Variants in LDLRAD4 observed in about 807,000 individuals in gnomAD.
LDLRAD4 encodes low-density lipoprotein receptor class A domain-containing protein 4.
Under a neutral mutation model 17.0 loss-of-function variants are expected in LDLRAD4, and 5 were observed. That is an observed-to-expected ratio of 0.29 (90% confidence interval 0.15 to 0.62). LDLRAD4 has a LOEUF of 0.62. Among genes scored for constraint, LDLRAD4 ranks in the 20% least tolerant of loss-of-function variants. The pLI, the probability that LDLRAD4 is intolerant of heterozygous loss-of-function variation, is 0.84. For missense variants in LDLRAD4, 340 were observed against 424.7 expected (o/e 0.80, Z 1.75); for synonymous variants, 168 against 171.8 (o/e 0.98, Z 0.17).
intron 3 of LDLRAD4, among the ~76,000 whole-genome samples, chr18:13,602,648 A>G (rs1437312951): frequency 6.6e-6 from 1 of 151,984 alleles, no homozygotes; most frequent in Non-Finnish European, 1.5e-5. Context: ...GGGTTTCAAC[A>G]TATTGGCCAG....
intron 3 of LDLRAD4, among the ~76,000 whole-genome samples, chr18:13,537,287 C>T (rs1601193570): frequency 1.3e-5 from 2 of 152,166 alleles, no homozygotes; most frequent in East Asian, 1.9e-4. Context: ...TGACTGCACA[C>T]CTAGGGTATA....
chr18:13,630,971 A>G (rs1254505962), intron 4 of LDLRAD4, among the ~76,000 whole-genome samples: 1 of 152,202 alleles, frequency 6.6e-6, no homozygotes, highest in Non-Finnish European at 1.5e-5. Flanking sequence ...TCCAGTCCCC[A>G]CATCTGATCA....
In LDLRAD4 at chr18:13,422,500, C is replaced by A. The variant is rs1600150308; in HGVS notation, c.41-15744C>A. Reference sequence around the variant, plus strand: ...TCACTTGAGGCCAGGAGTTCAAGACCAGCCTAGGTAACATATTGAGACCCC... The same window carrying A: ...TCACTTGAGGCCAGGAGTTCAAGACAAGCCTAGGTAACATATTGAGACCCC... On this transcript the variant is annotated intron_variant, in intron 2 of 5. Coordinates refer to ENST00000359446, the Ensembl canonical transcript of LDLRAD4. Among the ~76,000 whole-genome samples the A allele has an allele frequency of 1.3e-5, 2 of 151,048 alleles. 1 individual carries two copies. Among genetic ancestry groups the A allele is most frequent in the Middle Eastern group, 6.8e-3 (2 of 292 alleles).
At chr18:13,229,348 A>T (rs2041958682) in intron 1 of LDLRAD4, among the ~76,000 whole-genome samples, 1 of 152,188 alleles carries the variant, frequency 6.6e-6, no homozygotes, top group East Asian at 1.9e-4. Flanking sequence ...TCACCTCTGA[A>T]ATAGCTGTTT....
chr18:13,443,298 A>G (rs1266007519), intron 3 of LDLRAD4, among the ~76,000 whole-genome samples: 2 of 152,164 alleles, frequency 1.3e-5, no homozygotes, highest in African/African-American at 2.4e-5. Context: ...GCACCAAGCT[A>G]TGACTGCCCT....
chr18:13,551,957 G>A (rs1239070231), intron 3 of LDLRAD4, among the ~76,000 whole-genome samples: 1 of 152,156 alleles, frequency 6.6e-6, no homozygotes, highest in Non-Finnish European at 1.5e-5. Context: ...CACATGGCAG[G>A]ATGGGGAGCA....
chr18:13,615,326 C>T (rs1240699029), intron 3 of LDLRAD4: 1 of 152,092 alleles, frequency 6.6e-6, no homozygotes, highest in Non-Finnish European at 1.5e-5. Flanking sequence ...ACATCTGGAG[C>T]TTAAAAAGAA....
At chr18:13,643,617 A>T (rs147214338) in intron 5 of LDLRAD4, among the ~76,000 whole-genome samples, 34 of 152,360 alleles carry the variant, frequency 2.2e-4, no homozygotes, top group African/African-American at 7.9e-4. Context: ...CTGCTAGTCT[A>T]AAGCTCCTTA....
intron 3 of LDLRAD4, among the ~76,000 whole-genome samples, chr18:13,491,961 C>T (rs1160523131): frequency 6.6e-6 from 1 of 152,148 alleles, no homozygotes; most frequent in Non-Finnish European, 1.5e-5. Context: ...TGATGGATGA[C>T]TATGAGGCTG....
chr18:13,407,706 A>G (rs1258774250), intron 2 of LDLRAD4, among the ~76,000 whole-genome samples: 1 of 152,216 alleles, frequency 6.6e-6, no homozygotes, highest in African/African-American at 2.4e-5. Context: ...CCAGCTTCTG[A>G]GAAAGGGAGC....
In LDLRAD4 at chr18:13,321,921, AAG is replaced by A. The variant is rs2081266691; in HGVS notation, c.-383+43735_-383+43736del. Among the ~76,000 whole-genome samples, 10 of 133,576 alleles carry A rather than the reference AAG, an allele frequency of 7.5e-5. 1 individual carries two copies. Among genetic ancestry groups the A allele is most frequent in the African/African-American group, 1.1e-4 (4 of 35,626 alleles). 87.6% of individuals were successfully genotyped at this position (133,576 alleles called of 152,430 possible). A position where few individuals can be genotyped will look rare whatever the true frequency, so the allele number is the denominator to read the frequency against. ...AAAAAAAGAAAAGAAAAAGAATAAAAAGAATAAACACACAGACTTAAAAATCT... is the reference window on the plus strand; with the variant it reads ...AAAAAAAGAAAAGAAAAAGAATAAAAAATAAACACACAGACTTAAAAATCT... On this transcript the variant is annotated intron_variant, in intron 1 of 5. Coordinates refer to ENST00000359446, the Ensembl canonical transcript of LDLRAD4.
chr18:13,608,383 G>C (rs1785156), intron 3 of LDLRAD4, among the ~76,000 whole-genome samples: 60,112 of 151,920 alleles, frequency 0.4, 11,999 homozygotes, highest in Non-Finnish European at 0.41. Flanking sequence ...AGAAGCCCTG[G>C]GGGTGAGAGC....
intron 3 of LDLRAD4, among the ~76,000 whole-genome samples, chr18:13,490,860 G>A (rs981395979): frequency 6.6e-6 from 1 of 152,186 alleles, no homozygotes; most frequent in Non-Finnish European, 1.5e-5. Context: ...TGGCTCATTG[G>A]CATGGCAGGG....
chr18:13,423,369 T>A (rs2145896779), intron 2 of LDLRAD4, among the ~76,000 whole-genome samples: 1 of 152,090 alleles, frequency 6.6e-6, no homozygotes, highest in East Asian at 1.9e-4. Context: ...GGCGGGCTCC[T>A]GTAATCCTAG....
chr18:13,633,152 A>G (rs1468894861), intron 4 of LDLRAD4, among the ~76,000 whole-genome samples: 1 of 152,256 alleles, frequency 6.6e-6, no homozygotes, highest in Non-Finnish European at 1.5e-5. Flanking sequence ...ACCTGCAGTG[A>G]GTAGCTCCTA....
intron 1 of LDLRAD4, among the ~76,000 whole-genome samples, chr18:13,264,080 G>A (rs536261837): frequency 3.9e-4 from 59 of 152,304 alleles, no homozygotes; most frequent in Non-Finnish European, 6.0e-4. Flanking sequence ...GGCAGGACAC[G>A]ACCCGGCCCT....
At chr18:13,275,207 A>G (rs1172254263), upstream of LDLRAD4, among the ~76,000 whole-genome samples, 1 of 152,224 alleles carries the variant, frequency 6.6e-6, no homozygotes, top group African/African-American at 2.4e-5. Flanking sequence ...ATGAGTCACA[A>G]ATTCTTACTT....
chr18:13,384,328 T>C (rs900628140), intron 1 of LDLRAD4, among the ~76,000 whole-genome samples: 2 of 152,244 alleles, frequency 1.3e-5, no homozygotes, highest in African/African-American at 4.8e-5. Flanking sequence ...TACAATGTAA[T>C]GTTTTGGTAT....
intron 3 of LDLRAD4, among the ~76,000 whole-genome samples, chr18:13,541,452 G>A (rs1366192985): frequency 1.3e-5 from 2 of 152,202 alleles, no homozygotes; most frequent in African/African-American, 4.8e-5. Flanking sequence ...GCACACTTGG[G>A]TGTGTGTACC....
Sources: allele counts gnomAD v4.1 joint callset (sites outside exome capture counted in the v4.1 genomes callset), GRCh38; gene constraint gnomAD v4.1.1; transcripts MANE v1.5; gene names NCBI Gene and HGNC (gene_info 2026-07-23, HGNC 2026-07-21).